Variants in ST6GALNAC1 observed in about 807,000 individuals in gnomAD.
The protein encoded by ST6GALNAC1 is ST6 N-acetylgalactosaminide alpha-2,6-sialyltransferase 1.
ST6GALNAC1 carries 45 observed loss-of-function variants against 56.8 expected under a neutral mutation model. The observed-to-expected ratio is 0.79, with a 90% CI of 0.62 to 1.02. The LOEUF is 1.02. Ranked by LOEUF, ST6GALNAC1 falls within the 50% of genes least tolerant of loss-of-function variation. The pLI is 0.00. For synonymous variants in ST6GALNAC1, 295 were observed against 297.8 expected (o/e 0.99, Z 0.10); for missense variants, 743 against 754.8 (o/e 0.98, Z 0.18).
At chr17:76,619,513 G>A in the ST6GALNAC1 span, among the ~76,000 whole-genome samples, 5 of 151,922 alleles carry the variant, frequency 3.3e-5, no homozygotes, top group African/African-American at 1.2e-4. Flanking sequence ...AACTTTTTTT[G>A]ACAATGAGAA....
intron 8 of ST6GALNAC1, 128 bp from the exon 9 acceptor site, chr17:76,625,655 G>GTA: frequency 8.2e-7 from 1 of 1,215,330 alleles, no homozygotes; most frequent in Non-Finnish European, 1.1e-6. Context: ...CTGGGTGCAG[G>GTA]TCCCTGGATA....
At chr17:76,638,110 C>CTTTTTT (rs397744489) in intron 1 of ST6GALNAC1, among the ~76,000 whole-genome samples, 1 of 132,812 alleles carries the variant, frequency 7.5e-6, no homozygotes. Flanking sequence ...ACAGCTCACT[C>CTTTTTT]TTTTTTTTTT....
At chr17:76,626,834 G>A (rs762270696) in intron 4 of ST6GALNAC1, 45 bp from the exon 5 acceptor site, 26 of 1,609,080 alleles carry the variant, frequency 1.6e-5, no homozygotes, top group Admixed American at 5.0e-5. Flanking sequence ...AGCAGAGGAG[G>A]GAGATTTGTG....
rs756912554 is a variant in ST6GALNAC1, at chr17:76,625,253, G to A, written c.*77C>T. On this transcript the variant is annotated 3_prime_UTR_variant, in exon 9 of 9. Coordinates refer to ENST00000156626, the MANE Select transcript of ST6GALNAC1 (RefSeq NM_018414.5). The stretch of plus-strand genomic sequence containing the variant: ...GAGCTTAGTCTGAGCCATGGGAAAT[G>A]GCCAAAGAGTCTCAAGATTCCCACT... 1.3e-6 allele frequency: 2 copies of A among 1,489,614 alleles called. No individual in the cohort carries two copies. The highest frequency in any genetic ancestry group is 1.8e-6 in the Non-Finnish European group (2 of 1,092,726). The allele number at this position is 1,489,614 out of a possible 1,614,324, so 92.3% of individuals were successfully genotyped here. A position where few individuals can be genotyped will look rare whatever the true frequency, so the allele number is the denominator to read the frequency against.
chr17:76,622,090 C>T (rs925137234), downstream of ST6GALNAC1, among the ~76,000 whole-genome samples: 9 of 151,100 alleles, frequency 6.0e-5, no homozygotes, highest in South Asian at 2.1e-4. Flanking sequence ...TGAGCCACTG[C>T]GCCTGGCCTG....
chr17:76,643,703 AGTCTCACC>A lies in ST6GALNAC1; in HGVS notation c.-73_-66del. The A allele has an allele frequency of 6.5e-7, 1 of 1,550,098 alleles. No individual in the cohort carries two copies. Among genetic ancestry groups the A allele is most frequent in the Non-Finnish European group, 8.8e-7 (1 of 1,132,630 alleles). ...TGGGGCCTTGATGTAGGCAGCTGGG[AGTCTCACC>A]GCTCAGGTTTCCTGGCCAGGAAGTG... On this transcript the variant is annotated 5_prime_UTR_variant, in exon 1 of 9. Coordinates refer to ENST00000156626, the MANE Select transcript of ST6GALNAC1 (RefSeq NM_018414.5).
In ST6GALNAC1 at chr17:76,626,108, A is replaced by G. The variant is rs759423551; in HGVS notation, c.1416-13T>C. The G allele has an allele frequency of 1.9e-6, 3 of 1,613,726 alleles. No individual in the cohort carries two copies. The African/African-American group carries it at 4.0e-5, about 22-fold the overall frequency. On this transcript the variant is annotated splice_polypyrimidine_tract_variant and intron_variant, in intron 6 of 8. Transcript: ENST00000156626. ...CTGGGGTCTGTGCCTGTGGTTAGGA[A>G]GGGGTCATTCAGACTCAGCTCCCTT...
intron 7 of ST6GALNAC1, 23 bp from the exon 8 acceptor site, chr17:76,625,941 AACT>A (rs766337122): frequency 6.3e-7 from 1 of 1,599,514 alleles, no homozygotes; most frequent in Admixed American, 1.7e-5. Flanking sequence ...CCAAACCCCC[AACT>A]GTCAGGAGGC....
chr17:76,624,213 C>CTATT (rs781114561), downstream of ST6GALNAC1, among the ~76,000 whole-genome samples: 14 of 151,878 alleles, frequency 9.2e-5, no homozygotes, highest in Admixed American at 5.9e-4. Flanking sequence ...GTCCTTTATT[C>CTATT]TATTTATTTA....
At chr17:76,619,864 T>C (rs961663351), downstream of ST6GALNAC1, among the ~76,000 whole-genome samples, 3 of 149,462 alleles carry the variant, frequency 2.0e-5, no homozygotes, top group Non-Finnish European at 4.4e-5. Context: ...CTGCCTCAGC[T>C]TCCCAAGTAG....
the ST6GALNAC1 span, among the ~76,000 whole-genome samples, chr17:76,618,534 T>G: frequency 6.6e-6 from 1 of 152,046 alleles, no homozygotes; most frequent in Non-Finnish European, 1.5e-5. Context: ...TCCCAGCACT[T>G]TGGGAGGTTG....
At chr17:76,637,437 C>T in intron 1 of ST6GALNAC1, 1 of 346,174 alleles carries the variant, frequency 2.9e-6, no homozygotes, top group African/African-American at 2.1e-5. Context: ...TCTTCCTACA[C>T]CACCCCCTCC....
intron 1 of ST6GALNAC1, among the ~76,000 whole-genome samples, chr17:76,642,725 G>A (rs773192986): frequency 1.4e-4 from 21 of 152,128 alleles, no homozygotes; most frequent in Admixed American, 9.2e-4. Flanking sequence ...GAGGTCGGGA[G>A]TTCAAGACCA....
At chr17:76,630,311 C>T (rs1052032442) in intron 1 of ST6GALNAC1, among the ~76,000 whole-genome samples, 15 of 152,158 alleles carry the variant, frequency 9.9e-5, no homozygotes, top group Admixed American at 1.3e-4. Flanking sequence ...TGGAGAAAGG[C>T]AGGGCCGGCC....
chr17:76,617,721 C>T, the ST6GALNAC1 span, among the ~76,000 whole-genome samples: 9 of 150,366 alleles, frequency 6.0e-5, no homozygotes, highest in African/African-American at 1.7e-4. Context: ...CAGTGAGCTG[C>T]GATCACGCCA....
At chr17:76,624,213 CTATT>C (rs781114561), downstream of ST6GALNAC1, among the ~76,000 whole-genome samples, 14 of 151,996 alleles carry the variant, frequency 9.2e-5, no homozygotes, top group African/African-American at 2.9e-4. Flanking sequence ...GTCCTTTATT[CTATT>C]TATTTATTTA....
intron 1 of ST6GALNAC1, among the ~76,000 whole-genome samples, chr17:76,638,087 T>C (rs1333982462): frequency 4.7e-5 from 7 of 148,726 alleles, no homozygotes; most frequent in African/African-American, 1.7e-4. Context: ...ACAGAACCCA[T>C]AGGTCTGTTT....
At position 76,629,326 on chromosome 17, in the gene ST6GALNAC1, T is replaced by G; in HGVS notation, c.517A>C (p.Lys173Gln). 4.3e-6 allele frequency: 7 copies of G among 1,614,226 alleles called. No individual in the cohort carries two copies. Among genetic ancestry groups the G allele is most frequent in the Non-Finnish European group, 5.9e-6 (7 of 1,180,034 alleles). The change falls in exon 2 of 9, where the codon AAG (lysine) becomes CAG (glutamine). Residue 173 changes from lysine (K) to glutamine (Q), a missense_variant. Transcript: ENST00000156626. ...GACACCGTCCTGGAGGCCGTCAGCTTCCTGGTCTGGCCCCCATTTCCTTGG... is the reference window on the plus strand; with the variant it reads ...GACACCGTCCTGGAGGCCGTCAGCTGCCTGGTCTGGCCCCCATTTCCTTGG... ...TTQGNGGQTR[K>Q]LTASRTVSEK...
intron 1 of ST6GALNAC1, among the ~76,000 whole-genome samples, chr17:76,638,075 A>G (rs978390331): frequency 1.3e-5 from 2 of 151,728 alleles, no homozygotes; most frequent in Non-Finnish European, 2.9e-5. Flanking sequence ...AGAAAATGAC[A>G]AACAGAACCC....
Sources: gnomAD v4.1 joint callset for allele counts (sites outside exome capture counted in the v4.1 genomes callset) on GRCh38, gnomAD v4.1.1 for gene constraint, MANE v1.5 for transcripts, NCBI Gene and HGNC (gene_info 2026-07-23, HGNC 2026-07-21) for gene names.